The following KIAA1328 variants were observed in gnomAD, a reference collection of about 807,000 sequenced individuals.
KIAA1328 encodes protein hinderin.
In KIAA1328, 52 loss-of-function variants were observed where a neutral mutation model predicts 68.1. That is an observed-to-expected ratio of 0.76 (90% CI 0.61 to 0.96). The LOEUF is 0.96. KIAA1328 is among the 40% of genes least tolerant of loss of function. The pLI, the probability that KIAA1328 is intolerant of heterozygous loss-of-function variation, is 0.00. For synonymous variants in KIAA1328, 232 were observed against 239.4 expected (o/e 0.97, Z 0.28); for missense variants, 641 against 677.6 (o/e 0.95, Z 0.60).
At chr18:37,131,518 C>A (rs1345552138) in intron 7 of KIAA1328, among the ~76,000 whole-genome samples, 1 of 152,034 alleles carries the variant, frequency 6.6e-6, no homozygotes, top group Non-Finnish European at 1.5e-5. Flanking sequence ...TATATATATT[C>A]ATATTTAGCA....
At chr18:37,103,820 A>ACACG (rs2057695234) in intron 7 of KIAA1328, among the ~76,000 whole-genome samples, 1 of 151,848 alleles carries the variant, frequency 6.6e-6, no homozygotes. Context: ...ACACACACAC[A>ACACG]CACACACACA....
chr18:37,125,556 C>A (rs1302280767), intron 7 of KIAA1328, among the ~76,000 whole-genome samples: 1 of 151,936 alleles, frequency 6.6e-6, no homozygotes, highest in Non-Finnish European at 1.5e-5. Flanking sequence ...ATCAATGAAA[C>A]CCAAAGCTAG....
intron 6 of KIAA1328, among the ~76,000 whole-genome samples, chr18:37,064,542 C>T (rs1409480369): frequency 6.9e-6 from 1 of 145,082 alleles, no homozygotes; most frequent in Admixed American, 6.9e-5. Flanking sequence ...AAGTACCCCC[C>T]CCCCCAAATA....
intron 9 of KIAA1328, among the ~76,000 whole-genome samples, chr18:37,202,317 C>T (rs934714874): frequency 8.5e-5 from 13 of 152,130 alleles, no homozygotes; most frequent in African/African-American, 2.9e-4. Flanking sequence ...TTAATTCCTG[C>T]TCTGCTTTAT....
intron 9 of KIAA1328, among the ~76,000 whole-genome samples, chr18:37,219,563 G>A (rs117841790): frequency 0.014 from 2,123 of 152,308 alleles, 62 homozygotes; most frequent in East Asian, 0.13. Context: ...CCAGGCTGCT[G>A]TCTCGCGGGT....
At chr18:36,985,271 A>G (rs960583884) in intron 6 of KIAA1328, among the ~76,000 whole-genome samples, 6 of 152,144 alleles carry the variant, frequency 3.9e-5, no homozygotes, top group Non-Finnish European at 8.8e-5. Context: ...CTGCACTCCA[A>G]CCTGTGCAAC....
At chr18:37,101,550 C>A (rs1019588730) in intron 7 of KIAA1328, among the ~76,000 whole-genome samples, 3 of 152,112 alleles carry the variant, frequency 2.0e-5, no homozygotes, top group African/African-American at 7.2e-5. Flanking sequence ...ATTGGTGTAC[C>A]TGAAAGTGAC....
chr18:36,889,704 G>T (rs1287333839), intron 5 of KIAA1328, among the ~76,000 whole-genome samples: 4 of 152,178 alleles, frequency 2.6e-5, no homozygotes, highest in Non-Finnish European at 5.9e-5. Flanking sequence ...TATGTGTAAA[G>T]GACCTAGTCT....
intron 7 of KIAA1328, among the ~76,000 whole-genome samples, chr18:37,115,199 G>A (rs2058068142): frequency 6.6e-6 from 1 of 152,156 alleles, no homozygotes; most frequent in South Asian, 2.1e-4. Flanking sequence ...AAGCCGGGCA[G>A]AGGCATGACA....
intron 5 of KIAA1328, among the ~76,000 whole-genome samples, chr18:36,897,877 G>A (rs1021716396): frequency 2.0e-5 from 3 of 151,984 alleles, no homozygotes; most frequent in African/African-American, 7.2e-5. Context: ...TGCTAAGGCA[G>A]CTTTTTCCCC....
At chr18:37,047,139 A>C (rs1434356741) in intron 6 of KIAA1328, among the ~76,000 whole-genome samples, 1 of 152,186 alleles carries the variant, frequency 6.6e-6, no homozygotes, top group Non-Finnish European at 1.5e-5. Flanking sequence ...CCATCTGCCT[A>C]GTCTCCTGAA....
intron 4 of KIAA1328, among the ~76,000 whole-genome samples, chr18:36,859,875 C>T (rs1206377210): frequency 6.9e-6 from 1 of 144,988 alleles, no homozygotes; most frequent in Non-Finnish European, 1.5e-5. Flanking sequence ...ATTTATTCTT[C>T]TATACCTAAC....
At chr18:37,062,114 T>C (rs1219011404) in intron 6 of KIAA1328, among the ~76,000 whole-genome samples, 1 of 152,212 alleles carries the variant, frequency 6.6e-6, no homozygotes, top group Non-Finnish European at 1.5e-5. Flanking sequence ...GTGATATCTT[T>C]TGTATGAAGG....
chr18:36,833,696 AACAGTGTGTTATAATCATAGCC>A (rs1405540997), intron 1 of KIAA1328, among the ~76,000 whole-genome samples: 2 of 152,206 alleles, frequency 1.3e-5, no homozygotes, highest in African/African-American at 4.8e-5. Flanking sequence ...GACAGTTGAA[AACAGTGTGTTATAATCATAGCC>A]TTTCTAAATT....
intron 6 of KIAA1328, among the ~76,000 whole-genome samples, chr18:36,997,638 A>G (rs1324718095): frequency 6.6e-6 from 1 of 152,164 alleles, no homozygotes; most frequent in African/African-American, 2.4e-5. Flanking sequence ...TTGGCAGACT[A>G]CATGCTGTCC....
chr18:36,893,649 A>T (rs2048776791), intron 5 of KIAA1328, among the ~76,000 whole-genome samples: 1 of 152,104 alleles, frequency 6.6e-6, no homozygotes, highest in African/African-American at 2.4e-5. Context: ...GAGTTTCTAA[A>T]GCTGTCATAT....
chr18:36,945,402 G>A (rs1363150187), intron 5 of KIAA1328, among the ~76,000 whole-genome samples: 1 of 151,934 alleles, frequency 6.6e-6, no homozygotes, highest in African/African-American at 2.4e-5. Context: ...CCCCCCCCAC[G>A]AAGTTACTTA....
At chr18:37,142,942 G>GTTTTTTTTTTTT (rs551875920) in intron 7 of KIAA1328, among the ~76,000 whole-genome samples, 2 of 140,366 alleles carry the variant, frequency 1.4e-5, no homozygotes, top group Non-Finnish European at 1.6e-5. Flanking sequence ...ATTTACTTTG[G>GTTTTTTTTTTTT]TTTTTTTTTT....
intron 9 of KIAA1328, chr18:37,193,460 G>C (rs1350386066): frequency 3.2e-6 from 2 of 621,708 alleles, no homozygotes; most frequent in Admixed American, 5.2e-5. Context: ...GTCAAATGTT[G>C]CTACCAAAAA....
Sources: allele counts gnomAD v4.1 joint callset (sites outside exome capture counted in the v4.1 genomes callset), GRCh38; gene constraint gnomAD v4.1.1; transcripts MANE v1.5; gene names NCBI Gene and HGNC (gene_info 2026-07-23, HGNC 2026-07-21).